Variants in C12orf42 observed in about 807,000 individuals in gnomAD.
The protein encoded by C12orf42 is uncharacterized protein C12orf42.
C12orf42 carries 25 observed loss-of-function variants against 21.6 expected under a neutral mutation model. That is an observed-to-expected ratio of 1.16 (90% CI 0.84 to 1.62). The LOEUF is 1.62. Among genes scored for constraint, C12orf42 ranks in the 40% most tolerant of loss-of-function variants. The probability of loss-of-function intolerance (pLI) is 0.00; values close to 1 mark genes in which losing one functional copy is unlikely to be tolerated. For missense variants in C12orf42, 483 were observed against 459.3 expected (o/e 1.05, Z -0.47); for synonymous variants, 174 against 175.0 (o/e 0.99, Z 0.05).
chr12:103,071,333 A>C, the C12orf42 span, among the ~76,000 whole-genome samples: 2 of 152,170 alleles, frequency 1.3e-5, no homozygotes, highest in Non-Finnish European at 2.9e-5. Flanking sequence ...AGATGAGAAA[A>C]TAAATACACG....
At chr12:103,203,805 T>C in the C12orf42 span, among the ~76,000 whole-genome samples, 1 of 152,148 alleles carries the variant, frequency 6.6e-6, no homozygotes, top group Admixed American at 6.5e-5. Context: ...AGCACAGATA[T>C]GTGTAACCAA....
the C12orf42 span, among the ~76,000 whole-genome samples, chr12:103,501,354 G>A: frequency 3.0e-4 from 46 of 152,336 alleles, no homozygotes; most frequent in Middle Eastern, 3.4e-3. Flanking sequence ...AAAGTGTGCC[G>A]TTCTCTTTCT....
At chr12:103,456,217 G>A (rs1952283625) in intron 2 of C12orf42, 1 of 151,990 alleles carries the variant, frequency 6.6e-6, no homozygotes, top group Non-Finnish European at 1.5e-5. Context: ...GTGGTGGGAG[G>A]GACAGAAATG....
At chr12:103,225,046 C>A in the C12orf42 span, among the ~76,000 whole-genome samples, 5 of 152,118 alleles carry the variant, frequency 3.3e-5, no homozygotes, top group Admixed American at 6.5e-5. Flanking sequence ...TGAAGCCTTG[C>A]GGCAGTACAG....
intron 4 of C12orf42, among the ~76,000 whole-genome samples, chr12:103,282,645 T>C (rs564723433): frequency 6.6e-6 from 1 of 152,318 alleles, no homozygotes; most frequent in South Asian, 2.1e-4. Flanking sequence ...ATCCCCATGA[T>C]TAAGCAATAC....
chr12:103,502,296 CCCAAATACCT>C, the C12orf42 span, among the ~76,000 whole-genome samples: 1 of 152,170 alleles, frequency 6.6e-6, no homozygotes, highest in Non-Finnish European at 1.5e-5. Flanking sequence ...CAACAAGACT[CCCAAATACCT>C]CCAACTCATG....
the C12orf42 span, among the ~76,000 whole-genome samples, chr12:103,052,540 T>C: frequency 6.6e-6 from 1 of 152,234 alleles, no homozygotes; most frequent in South Asian, 2.1e-4. Flanking sequence ...TTATTCTGAT[T>C]CAAAGGAGTT....
At chr12:103,095,829 G>T in the C12orf42 span, among the ~76,000 whole-genome samples, 2 of 152,120 alleles carry the variant, frequency 1.3e-5, no homozygotes, top group African/African-American at 4.8e-5. Context: ...AGAGCTTCTG[G>T]TCTAGTGGTT....
intron 1 of C12orf42, among the ~76,000 whole-genome samples, chr12:103,482,307 A>G (rs1350679716): frequency 2.0e-5 from 3 of 152,050 alleles, no homozygotes; most frequent in Admixed American, 2.0e-4. Context: ...ACTTGAATAT[A>G]GTTTTGCTGG....
intron 4 of C12orf42, among the ~76,000 whole-genome samples, chr12:103,278,315 CT>C: frequency 6.6e-6 from 1 of 152,124 alleles, no homozygotes; most frequent in African/African-American, 2.4e-5. Context: ...TCATTTTTTC[CT>C]CCACTGAACC....
chr12:103,066,045 G>A, the C12orf42 span, among the ~76,000 whole-genome samples: 7 of 152,252 alleles, frequency 4.6e-5, no homozygotes, highest in East Asian at 9.7e-4. Context: ...TCTTTGGCAG[G>A]CCCCCCTAGG....
At chr12:103,193,111 G>A in the C12orf42 span, among the ~76,000 whole-genome samples, 5 of 152,010 alleles carry the variant, frequency 3.3e-5, no homozygotes, top group African/African-American at 1.2e-4. Context: ...TCACAAATAT[G>A]TGAAAATTCA....
At chr12:103,441,361 T>A (rs1453592294) in intron 2 of C12orf42, 1 of 152,164 alleles carries the variant, frequency 6.6e-6, no homozygotes, top group East Asian at 1.9e-4. Flanking sequence ...TTCCTGTCGA[T>A]ATAAAACCTT....
the C12orf42 span, among the ~76,000 whole-genome samples, chr12:103,061,339 T>C: frequency 3.9e-5 from 6 of 152,324 alleles, no homozygotes; most frequent in East Asian, 1.2e-3. Context: ...TATAGGAAAG[T>C]AATGTTTATT....
chr12:103,410,578 A>T (rs1841375854), intron 2 of C12orf42, among the ~76,000 whole-genome samples: 1 of 152,186 alleles, frequency 6.6e-6, no homozygotes, highest in Admixed American at 6.5e-5. Flanking sequence ...CCCAGGATGG[A>T]TGGGGAATAT....
At chr12:103,103,959 C>A in the C12orf42 span, among the ~76,000 whole-genome samples, 1 of 152,278 alleles carries the variant, frequency 6.6e-6, no homozygotes, top group South Asian at 2.1e-4. Flanking sequence ...TGCCACCACG[C>A]CCAATAGCTC....
At chr12:103,299,418 C>T (rs2037511522), downstream of C12orf42, among the ~76,000 whole-genome samples, 1 of 151,706 alleles carries the variant, frequency 6.6e-6, no homozygotes, top group African/African-American at 2.4e-5. Context: ...AGAGATTATC[C>T]TAAATACTTA....
the C12orf42 span, among the ~76,000 whole-genome samples, chr12:103,118,336 A>G: frequency 1.3e-5 from 2 of 152,200 alleles, no homozygotes; most frequent in African/African-American, 2.4e-5. Context: ...TGAATTGTCT[A>G]TTGGAAGGTG....
chr12:103,184,613 A>G, the C12orf42 span, among the ~76,000 whole-genome samples: 5,090 of 151,784 alleles, frequency 0.034, 118 homozygotes, highest in Non-Finnish European at 0.052. Context: ...TCTGTGGTAG[A>G]TTCTTTCTTG....
Sources: allele counts gnomAD v4.1 joint callset (sites outside exome capture counted in the v4.1 genomes callset), GRCh38; gene constraint gnomAD v4.1.1; transcripts MANE v1.5; gene names NCBI Gene and HGNC (gene_info 2026-07-23, HGNC 2026-07-21).